SLC44A5: variants seen among roughly 807,000 people sequenced by gnomAD.
SLC44A5 encodes solute carrier family 44 member 5, also known as choline transporter-like protein 5.
In SLC44A5, 57 loss-of-function variants were observed where a neutral mutation model predicts 101.8. That is an observed-to-expected ratio of 0.56 (90% CI 0.45 to 0.70). The LOEUF is 0.70. Among genes scored for constraint, SLC44A5 ranks in the 30% least tolerant of loss-of-function variants. The pLI, the probability that SLC44A5 is intolerant of heterozygous loss-of-function variation, is 0.00. For missense variants in SLC44A5, 737 were observed against 853.1 expected (o/e 0.86, Z 1.70); for synonymous variants, 281 against 290.9 (o/e 0.97, Z 0.35).
At chr1:75,515,324 A>G (rs536379904) in intron 2 of SLC44A5, among the ~76,000 whole-genome samples, 22 of 152,266 alleles carry the variant, frequency 1.4e-4, no homozygotes, top group Non-Finnish European at 2.9e-4. Context: ...GAAATATACA[A>G]TATTCTATTA....
chr1:75,632,251 T>G, the SLC44A5 span, among the ~76,000 whole-genome samples: 1 of 152,204 alleles, frequency 6.6e-6, no homozygotes, highest in Non-Finnish European at 1.5e-5. Context: ...CTTGAGCTCT[T>G]TATGGATCAT....
At chr1:75,307,059 A>T (rs1028782419) in intron 4 of SLC44A5, among the ~76,000 whole-genome samples, 1 of 152,108 alleles carries the variant, frequency 6.6e-6, no homozygotes, top group African/African-American at 2.4e-5. Flanking sequence ...TTTGTGGCAG[A>T]TGAAATTCCA....
intron 2 of SLC44A5, among the ~76,000 whole-genome samples, chr1:75,399,936 G>A (rs1662370625): frequency 6.6e-6 from 1 of 152,168 alleles, no homozygotes; most frequent in South Asian, 2.1e-4. Flanking sequence ...CAACCTAAGT[G>A]TTCACCAACA....
Position 75,503,517 on chromosome 1 carries a change from C to T in SLC44A5, c.13+37918G>A, listed in dbSNP as rs1392900389. ...ATGATTTTAAGTTTCCTGAGGCGTCCCCAGTCATGCCTCCTATACAGCCTG... is the reference window on the plus strand; with the variant it reads ...ATGATTTTAAGTTTCCTGAGGCGTCTCCAGTCATGCCTCCTATACAGCCTG... On this transcript the variant is annotated intron_variant, in intron 2 of 23. Coordinates refer to ENST00000370859, the MANE Select transcript of SLC44A5 (RefSeq NM_001130058.2). Among the ~76,000 whole-genome samples the T allele has an allele frequency of 2.6e-5, 4 of 152,160 alleles. No homozygotes were observed. In the East Asian group the frequency reaches 5.8e-4, roughly 22 times the overall value.
At chr1:75,661,954 C>G in the SLC44A5 span, among the ~76,000 whole-genome samples, 1 of 151,672 alleles carries the variant, frequency 6.6e-6, no homozygotes, top group South Asian at 2.1e-4. Flanking sequence ...CTCAAAGAAA[C>G]AAAAATAGAA....
intron 4 of SLC44A5, among the ~76,000 whole-genome samples, chr1:75,317,645 A>G (rs560489614): frequency 5.2e-4 from 79 of 152,304 alleles, no homozygotes; most frequent in African/African-American, 1.7e-3. Context: ...GTTGGTTTAA[A>G]TAACAGCCAT....
At chr1:75,436,571 A>G (rs1030179576) in intron 2 of SLC44A5, among the ~76,000 whole-genome samples, 1 of 152,134 alleles carries the variant, frequency 6.6e-6, no homozygotes, top group Non-Finnish European at 1.5e-5. Flanking sequence ...GTGAGTGCTG[A>G]GTAAATGTGA....
At chr1:75,259,167 C>T (rs1475879238) in intron 6 of SLC44A5, among the ~76,000 whole-genome samples, 1 of 152,104 alleles carries the variant, frequency 6.6e-6, no homozygotes, top group Non-Finnish European at 1.5e-5. Flanking sequence ...CAAAACTGGA[C>T]AGAGAATGAG....
the SLC44A5 span, among the ~76,000 whole-genome samples, chr1:75,617,219 C>G: frequency 6.6e-6 from 1 of 152,052 alleles, no homozygotes; most frequent in Non-Finnish European, 1.5e-5. Context: ...AACGCACTTC[C>G]TAATTCGCAG....
intron 23 of SLC44A5, 132 bp from the exon 24 acceptor site, chr1:75,203,965 A>C (rs908055679): frequency 7.0e-6 from 8 of 1,147,008 alleles, no homozygotes; most frequent in South Asian, 2.0e-5. Context: ...TTGTTTTTTA[A>C]ACAGCATAGT....
At chr1:75,630,131 A>G in the SLC44A5 span, among the ~76,000 whole-genome samples, 3 of 152,240 alleles carry the variant, frequency 2.0e-5, no homozygotes, top group East Asian at 5.8e-4. Context: ...AGCTTTTGTG[A>G]CAGCTACAGT....
At chr1:75,376,356 G>T (rs1367838627) in intron 3 of SLC44A5, among the ~76,000 whole-genome samples, 1 of 152,200 alleles carries the variant, frequency 6.6e-6, no homozygotes, top group Non-Finnish European at 1.5e-5. Flanking sequence ...AGGCCTGCCT[G>T]CCTCTGTAGG....
chr1:75,344,160 T>C (rs1321506273), intron 3 of SLC44A5, among the ~76,000 whole-genome samples: 1 of 152,068 alleles, frequency 6.6e-6, no homozygotes, highest in East Asian at 1.9e-4. Flanking sequence ...CTACTGATTC[T>C]CAAGAAGGAC....
At chr1:75,587,478 T>G (rs905283161) in intron 1 of SLC44A5, among the ~76,000 whole-genome samples, 1 of 152,216 alleles carries the variant, frequency 6.6e-6, no homozygotes, top group African/African-American at 2.4e-5. Context: ...TCATTCATCA[T>G]TTAATGTGAA....
chr1:75,703,495 A>C, the SLC44A5 span, among the ~76,000 whole-genome samples: 1 of 151,526 alleles, frequency 6.6e-6, no homozygotes, highest in African/African-American at 2.4e-5. Context: ...GGAACATCGC[A>C]CAGCGGGGCC....
intron 23 of SLC44A5, chr1:75,206,539 T>C: frequency 1.8e-6 from 2 of 1,082,524 alleles, no homozygotes; most frequent in South Asian, 1.4e-5. Context: ...AAGCAACATT[T>C]CCAAATTACA....
At chr1:75,256,097 G>A (rs775920964) in intron 6 of SLC44A5, among the ~76,000 whole-genome samples, 15 of 152,012 alleles carry the variant, frequency 9.9e-5, no homozygotes, top group African/African-American at 1.7e-4. Flanking sequence ...ACATACTTAC[G>A]CTAAAAATTA....
rs35829590 is a variant in SLC44A5, at chr1:75,537,033, A to AAAAAAAAATATATATATAT, written c.13+4401_13+4402insATATATATATATTTTTTTT. ...AAAAAAAAAAAAAAAAAAAAAAAAA[A>AAAAAAAAATATATATATAT]ATATATATCTATGCCAAATGATTCT... On this transcript the variant is annotated intron_variant, in intron 2 of 23. Transcript: ENST00000370859. Among the ~76,000 whole-genome samples, 68 of 42,918 alleles carry AAAAAAAAATATATATATAT rather than the reference A, an allele frequency of 1.6e-3. 6 individuals are homozygous for AAAAAAAAATATATATATAT. The highest frequency in any genetic ancestry group is 2.6e-3 in the Non-Finnish European group (45 of 17,170). 28.2% of individuals were successfully genotyped at this position (42,918 alleles called of 152,430 possible). A position where few individuals can be genotyped will look rare whatever the true frequency, so the allele number is the denominator to read the frequency against.
chr1:75,477,134 A>T (rs1229538641), intron 2 of SLC44A5, among the ~76,000 whole-genome samples: 1 of 152,236 alleles, frequency 6.6e-6, no homozygotes, highest in Admixed American at 6.5e-5. Flanking sequence ...GCTGGTACCC[A>T]GGCAAACAGG....
Sources: gnomAD v4.1 joint callset for allele counts (sites outside exome capture counted in the v4.1 genomes callset) on GRCh38, gnomAD v4.1.1 for gene constraint, MANE v1.5 for transcripts, NCBI Gene and HGNC (gene_info 2026-07-23, HGNC 2026-07-21) for gene names.